Variants in FRMD3 observed in about 807,000 individuals in gnomAD.
FRMD3 encodes FERM domain-containing protein 3.
In FRMD3, 33 loss-of-function variants were observed where a neutral mutation model predicts 70.2. The observed-to-expected ratio is 0.47, with a 90% CI of 0.36 to 0.63. FRMD3 has a LOEUF of 0.63. Ranked by LOEUF, FRMD3 falls within the 20% of genes least tolerant of loss-of-function variation. FRMD3 has a pLI of 0.00. For synonymous variants in FRMD3, 279 were observed against 255.9 expected, an observed-to-expected ratio of 1.09 and a Z score of -0.86; for missense variants, 632 against 711.4, an observed-to-expected ratio of 0.89 and a Z score of 1.27.
At chr9:83,480,968 G>C (rs551585545) in intron 1 of FRMD3, among the ~76,000 whole-genome samples, 25 of 152,270 alleles carry the variant, frequency 1.6e-4, no homozygotes, top group Non-Finnish European at 2.9e-4. Context: ...AGATTACATA[G>C]AGCAGGATAT....
intron 6 of FRMD3, among the ~76,000 whole-genome samples, chr9:83,325,315 A>AATTT (rs1357758799): frequency 2.5e-4 from 38 of 152,180 alleles, no homozygotes; most frequent in African/African-American, 8.4e-4. Flanking sequence ...TCTATTTTTA[A>AATTT]ATTTATTTAT....
rs557970476 is a variant in FRMD3 at position 83,494,730 on chromosome 9, C to T, written c.147+43355G>A. 2.6e-5 allele frequency among the ~76,000 whole-genome samples: 4 copies of T among 152,028 alleles called. No individual in the cohort carries two copies. The East Asian group carries it at 7.7e-4, about 29-fold the overall frequency. On this transcript the variant is annotated intron_variant, in intron 1 of 13. Coordinates refer to ENST00000304195, the MANE Select transcript of FRMD3 (RefSeq NM_174938.6). ...ACAAGCCTGGGCAACATAGTGAGACCCCTGTCTCAACAACAACAAAAAAAA... is the reference window on the plus strand; with the variant it reads ...ACAAGCCTGGGCAACATAGTGAGACTCCTGTCTCAACAACAACAAAAAAAA...
chr9:83,528,856 C>T (rs1171930954), intron 1 of FRMD3, among the ~76,000 whole-genome samples: 2 of 152,098 alleles, frequency 1.3e-5, no homozygotes, highest in East Asian at 3.9e-4. Flanking sequence ...CTCAAAACTC[C>T]TTTACCTACT....
chr9:83,345,328 TG>T (rs559747926), intron 4 of FRMD3, among the ~76,000 whole-genome samples: 269 of 152,326 alleles, frequency 1.8e-3, no homozygotes, highest in Non-Finnish European at 3.1e-3. Flanking sequence ...TTATACTCAT[TG>T]GGTAAGGACT....
chr9:83,266,585 T>C (rs1276208906), intron 13 of FRMD3, among the ~76,000 whole-genome samples: 1 of 152,168 alleles, frequency 6.6e-6, no homozygotes, highest in Non-Finnish European at 1.5e-5. Flanking sequence ...ATAAAAGTGG[T>C]GCTCCGCCTC....
intron 6 of FRMD3, among the ~76,000 whole-genome samples, chr9:83,329,420 A>T (rs376411079): frequency 1.3e-5 from 2 of 152,366 alleles, no homozygotes; most frequent in East Asian, 3.9e-4. Flanking sequence ...TTCTTTTTAC[A>T]CAATAAACAC....
At chr9:83,391,483 G>A (rs916852274) in intron 1 of FRMD3, among the ~76,000 whole-genome samples, 1 of 152,286 alleles carries the variant, frequency 6.6e-6, no homozygotes, top group East Asian at 1.9e-4. Flanking sequence ...CTATAGGGAA[G>A]TATTCCCTAC....
intron 1 of FRMD3, among the ~76,000 whole-genome samples, chr9:83,516,404 T>C (rs1421846404): frequency 2.0e-5 from 3 of 152,032 alleles, no homozygotes; most frequent in Non-Finnish European, 2.9e-5. Context: ...AAGGGATCAA[T>C]GCAACAAGAA....
intron 13 of FRMD3, among the ~76,000 whole-genome samples, chr9:83,259,378 T>C (rs927728049): frequency 6.6e-6 from 1 of 152,154 alleles, no homozygotes; most frequent in African/African-American, 2.4e-5. Context: ...CACATCATCA[T>C]CAGGGATGCT....
chr9:83,536,953 A>AAAAAAG (rs1564121093), intron 1 of FRMD3, among the ~76,000 whole-genome samples: 1 of 146,900 alleles, frequency 6.8e-6, no homozygotes, highest in African/African-American at 2.5e-5. Context: ...AAAAAAAAAA[A>AAAAAAG]GCTCAGTCCC....
the FRMD3 span, among the ~76,000 whole-genome samples, chr9:83,577,974 T>C: frequency 6.6e-6 from 1 of 151,634 alleles, no homozygotes; most frequent in Non-Finnish European, 1.5e-5. Flanking sequence ...TAAATAAAAT[T>C]AGAAATGAAA....
intron 13 of FRMD3, among the ~76,000 whole-genome samples, chr9:83,255,609 T>G (rs1832669554): frequency 1.3e-5 from 2 of 152,058 alleles, no homozygotes; most frequent in Admixed American, 1.3e-4. Context: ...TTGACATGAT[T>G]CTATATCTAG....
At chr9:83,566,293 A>G in the FRMD3 span, among the ~76,000 whole-genome samples, 1 of 152,282 alleles carries the variant, frequency 6.6e-6, no homozygotes, top group South Asian at 2.1e-4. Flanking sequence ...TAGCATGGGA[A>G]AGACCAATGC....
intron 4 of FRMD3, among the ~76,000 whole-genome samples, chr9:83,344,882 G>T (rs1823902546): frequency 6.8e-6 from 1 of 147,912 alleles, no homozygotes; most frequent in African/African-American, 2.5e-5. Context: ...TATTTCTCTG[G>T]AGAACCTCAA....
intron 1 of FRMD3, among the ~76,000 whole-genome samples, chr9:83,477,490 T>C (rs1010543549): frequency 6.6e-6 from 1 of 152,172 alleles, no homozygotes; most frequent in African/African-American, 2.4e-5. Flanking sequence ...TTAATGAGTC[T>C]GCAGCCTGTC....
At chr9:83,342,633 C>T (rs776996076) in intron 5 of FRMD3, among the ~76,000 whole-genome samples, 3 of 151,534 alleles carry the variant, frequency 2.0e-5, no homozygotes, top group African/African-American at 4.9e-5. Flanking sequence ...TAGACATGTA[C>T]GTATGTATAC....
chr9:83,309,734 C>G (rs1835281015), intron 9 of FRMD3, 110 bp from the exon 10 acceptor site: 3 of 622,674 alleles, frequency 4.8e-6, no homozygotes, highest in South Asian at 4.5e-5. Context: ...TCCTATTACA[C>G]AGACTTGAAG....
At chr9:83,299,234 CT>C in intron 10 of FRMD3, 48 bp from the exon 11 acceptor site, 1 of 1,220,670 alleles carries the variant, frequency 8.2e-7, no homozygotes, top group Non-Finnish European at 1.2e-6. Context: ...GGAAAGTCCA[CT>C]TACAACATGC....
chr9:83,418,486 A>C (rs780257264), intron 1 of FRMD3, among the ~76,000 whole-genome samples: 1 of 152,232 alleles, frequency 6.6e-6, no homozygotes, highest in African/African-American at 2.4e-5. Context: ...GACATTGTTC[A>C]AAAGAAGATA....
Sources: allele counts gnomAD v4.1 joint callset (sites outside exome capture counted in the v4.1 genomes callset), GRCh38; gene constraint gnomAD v4.1.1; transcripts MANE v1.5; gene names NCBI Gene and HGNC (gene_info 2026-07-23, HGNC 2026-07-21).